Variants in ADGRG4 observed in about 807,000 individuals in gnomAD.
ADGRG4 encodes G protein-coupled receptor 112.
Under a neutral mutation model 126.2 loss-of-function variants are expected in ADGRG4, and 122 were observed. The observed-to-expected ratio is 0.97, with a 90% CI of 0.83 to 1.12. The LOEUF (loss-of-function observed/expected upper bound fraction) is 1.12, where lower values mean the gene tolerates loss of function less well. ADGRG4 is among the 50% of genes most tolerant of loss of function. The pLI, the probability that ADGRG4 is intolerant of heterozygous loss-of-function variation, is 0.00. For missense variants in ADGRG4, 2,481 were observed against 2,251.8 expected (o/e 1.10, Z -2.06); for synonymous variants, 943 against 838.7 (o/e 1.12, Z -2.15).
intron 5 of ADGRG4, among the ~76,000 whole-genome samples, chrX:136,332,646 T>C (rs1306891876): frequency 1.8e-5 from 2 of 109,730 alleles, no homozygotes; most frequent in East Asian, 2.9e-4. Flanking sequence ...TTCCTATTTG[T>C]CCACATCCTC....
intron 22 of ADGRG4, among the ~76,000 whole-genome samples, chrX:136,403,660 T>A (rs752873167): frequency 1.8e-5 from 2 of 112,522 alleles, no homozygotes; most frequent in East Asian, 5.5e-4. Flanking sequence ...GCAGGTATTA[T>A]GATTACAAAG....
chrX:136,330,479 A>G (rs1169045326), intron 5 of ADGRG4, among the ~76,000 whole-genome samples: 1 of 108,129 alleles, frequency 9.2e-6, no homozygotes, highest in East Asian at 2.9e-4. Flanking sequence ...GCTGAGTAGT[A>G]TTCCATGGTA....
At chrX:136,357,625 T>C (rs2075102439) in intron 9 of ADGRG4, 79 bp from the exon 10 acceptor site, 2 of 663,385 alleles carry the variant, frequency 3.0e-6, no homozygotes, top group East Asian at 3.4e-5. Context: ...TATATAATTG[T>C]TGTTAACAAT....
At chrX:136,351,391 A>G (rs1383176493) in intron 6 of ADGRG4, 56 bp from the exon 7 acceptor site, 1 of 690,674 alleles carries the variant, frequency 1.4e-6, no homozygotes, top group African/African-American at 2.2e-5. Flanking sequence ...AAATTTACAG[A>G]AGTCAAATTT....
In ADGRG4 at chrX:136,375,524, T is replaced by C. The variant is rs181220279; in HGVS notation, c.7776+2460T>C. Among the ~76,000 whole-genome samples the C allele has an allele frequency of 2.7e-5, 3 of 112,563 alleles. No homozygotes were observed. In the East Asian group the frequency reaches 8.3e-4, roughly 31 times the overall value. ...CCAGCTGTATAAAAGTGTTTCCTTT[T>C]CACCACATCCATGCCAACATCTATT... On this transcript the variant is annotated intron_variant, in intron 15 of 25. Transcript: ENST00000394143.
chrX:136,404,870 T>G (rs1406237388), intron 22 of ADGRG4, among the ~76,000 whole-genome samples: 1 of 112,038 alleles, frequency 8.9e-6, no homozygotes, highest in African/African-American at 3.2e-5. Flanking sequence ...TGTGTAAGTA[T>G]CCACGCCAAC....
intron 13 of ADGRG4, among the ~76,000 whole-genome samples, chrX:136,367,978 A>G (rs2075170203): frequency 8.9e-6 from 1 of 112,111 alleles, no homozygotes; most frequent in Non-Finnish European, 1.9e-5. Flanking sequence ...GTTGACTAGA[A>G]CTTTTCAGAA....
chrX:136,380,361 A>G lies in ADGRG4; in HGVS notation c.7776+7297A>G, dbSNP rs760716717. On this transcript the variant is annotated intron_variant, in intron 15 of 25. Coordinates refer to ENST00000394143, the MANE Select transcript of ADGRG4 (RefSeq NM_153834.4). ...TTTGCTCCTTTATTTTTGATAGTAT[A>G]GGGATTTTTCCATTTTGTTGATCCT... Among the ~76,000 whole-genome samples the G allele has an allele frequency of 2.7e-5, 3 of 111,333 alleles. No homozygotes were observed. In the South Asian group the frequency reaches 1.2e-3, roughly 43 times the overall value.
chrX:136,379,275 T>A (rs1030860879), intron 15 of ADGRG4, among the ~76,000 whole-genome samples: 1 of 111,748 alleles, frequency 8.9e-6, no homozygotes, highest in Non-Finnish European at 1.9e-5. Context: ...TAATTTATAA[T>A]ATTTTCCTAT....
At chrX:136,368,341 G>A (rs1160564555) in intron 13 of ADGRG4, among the ~76,000 whole-genome samples, 1 of 112,093 alleles carries the variant, frequency 8.9e-6, no homozygotes, top group African/African-American at 3.2e-5. Flanking sequence ...AATGCCCACC[G>A]ACTCATTCCC....
At chrX:136,366,222 C>T (rs2075157825) in intron 13 of ADGRG4, among the ~76,000 whole-genome samples, 2 of 112,300 alleles carry the variant, frequency 1.8e-5, no homozygotes, top group Non-Finnish European at 3.8e-5. Flanking sequence ...CTGGCAATCA[C>T]TGATCTTTTT....
Position 136,363,534 on chromosome X carries a change from C to T in ADGRG4, c.7335C>T (p.Cys2445=), listed in dbSNP as rs747515311. The change falls in exon 13 of 26, where the codon TGC becomes TGT. Residue 2445 remains cysteine (C), a synonymous_variant. Transcript: ENST00000394143. The part of the protein sequence containing the change: ...SQWEKPKFKQ[C]KLLQELPDKI... ...GGGAAAAGCCAAAGTTTAAACAATGCAAATTGCTTCAAGAACTTCCTGACA... is the reference window on the plus strand; with the variant it reads ...GGGAAAAGCCAAAGTTTAAACAATGTAAATTGCTTCAAGAACTTCCTGACA... The T allele has an allele frequency of 2.5e-5, 30 of 1,199,370 alleles. No individual in the cohort carries two copies. Among genetic ancestry groups the T allele is most frequent in the Middle Eastern group, 4.6e-4 (2 of 4,339 alleles).
rs775348882 is a variant in ADGRG4 at position 136,348,704 on chromosome X, G to A, written c.4998G>A (p.Gly1666=). Residue 1666 remains glycine, a synonymous_variant, in exon 6 of 26, where the codon GGG becomes GGA. Coordinates refer to ENST00000394143, the MANE Select transcript of ADGRG4 (RefSeq NM_153834.4). ...VKTVPTTIMA[G]IVTPFVGTTA... ...CCGTTCCCACCACCATTATGGCTGG[G>A]ATAGTGACTCCATTTGTAGGCACCA... is the stretch of plus-strand genomic sequence containing the variant. The A allele has an allele frequency of 8.3e-7, 1 of 1,210,264 alleles. No homozygotes were observed. Among genetic ancestry groups the A allele is most frequent in the Non-Finnish European group, 1.1e-6 (1 of 894,978 alleles).
intron 5 of ADGRG4, among the ~76,000 whole-genome samples, chrX:136,332,251 C>T (rs1239688815): frequency 2.9e-5 from 3 of 105,027 alleles, no homozygotes; most frequent in East Asian, 3.0e-4. Flanking sequence ...TGAGAACATG[C>T]GGTGTTTGGT....
At position 136,344,670 on chromosome X, in the gene ADGRG4, T is replaced by C. The variant is rs1434197226; in HGVS notation, c.964T>C (p.Ser322Pro). Residue 322 changes from serine to proline, a missense_variant, in exon 6 of 26, where the codon TCA (serine) becomes CCA (proline). Coordinates refer to ENST00000394143, the MANE Select transcript of ADGRG4 (RefSeq NM_153834.4). Reference protein sequence around the residue: ...TFAVDVLSTSSAISLPTQSIS... With the variant: ...TFAVDVLSTSPAISLPTQSIS... ...TGCAGTGGATGTTTTATCAACTTCA[T>C]CAGCCATCTCTCTGCCTACCCAGAG... The C allele has an allele frequency of 8.3e-7, 1 of 1,206,962 alleles. No individual in the cohort carries two copies. Among genetic ancestry groups the C allele is most frequent in the Non-Finnish European group, 1.1e-6 (1 of 892,455 alleles).
At chrX:136,414,396 C>A in intron 25 of ADGRG4, 69 bp downstream of exon 25, 2 of 899,436 alleles carry the variant, frequency 2.2e-6, no homozygotes, top group Non-Finnish European at 3.1e-6. Context: ...AGACCACATA[C>A]TGGGTCTTGG....
At chrX:136,353,140 AT>A (rs1322770334) in intron 7 of ADGRG4, among the ~76,000 whole-genome samples, 196 bp from the exon 8 acceptor site, 1 of 111,382 alleles carries the variant, frequency 9.0e-6, no homozygotes, top group African/African-American at 3.3e-5. Flanking sequence ...GGGCTTCAAC[AT>A]TTGAGTTTTG....
At chrX:136,369,780 T>G (rs2075181746) in intron 13 of ADGRG4, among the ~76,000 whole-genome samples, 1 of 112,076 alleles carries the variant, frequency 8.9e-6, no homozygotes, top group Non-Finnish European at 1.9e-5. Context: ...GAGAAACAAC[T>G]ACAACCTTGT....
intron 22 of ADGRG4, among the ~76,000 whole-genome samples, chrX:136,403,880 A>G (rs779317407): frequency 9.0e-6 from 1 of 111,131 alleles, no homozygotes; most frequent in South Asian, 3.8e-4. Flanking sequence ...TCATCTCTTT[A>G]GTTCTCTCAA....
Sources: allele counts gnomAD v4.1 joint callset (sites outside exome capture counted in the v4.1 genomes callset), GRCh38; gene constraint gnomAD v4.1.1; transcripts MANE v1.5; gene names NCBI Gene and HGNC (gene_info 2026-07-23, HGNC 2026-07-21).